The following CSMD1 variants were observed in gnomAD, a reference collection of about 807,000 sequenced individuals.
The protein encoded by CSMD1 is CUB and sushi domain-containing protein 1.
In CSMD1, 213 loss-of-function variants were observed where a neutral mutation model predicts 417.5. The ratio of observed to expected loss-of-function variants is 0.51; its 90% CI spans 0.46 to 0.57. CSMD1 has a LOEUF of 0.57. Ranked by LOEUF, CSMD1 falls within the 20% of genes least tolerant of loss-of-function variation. The pLI, the probability that CSMD1 is intolerant of heterozygous loss-of-function variation, is 0.00. For synonymous variants in CSMD1, 2,862 were observed against 1,736.8 expected (o/e 1.65, Z -16.11); for missense variants, 6,923 against 4,529.7 (o/e 1.53, Z -15.17).
chr8:3,298,705 C>T (rs1394184875), intron 25 of CSMD1, among the ~76,000 whole-genome samples: 3 of 152,338 alleles, frequency 2.0e-5, no homozygotes, highest in Admixed American at 1.3e-4. Context: ...CTGCCCGCCT[C>T]AGCCTCCCAA....
chr8:4,362,041 G>C (rs923703043), intron 3 of CSMD1, among the ~76,000 whole-genome samples: 2 of 151,996 alleles, frequency 1.3e-5, no homozygotes, highest in Non-Finnish European at 1.5e-5. Context: ...TTAGAGGTAG[G>C]ATACATAAGG....
At chr8:3,263,747 T>G (rs1160781068) in intron 26 of CSMD1, among the ~76,000 whole-genome samples, 1 of 152,216 alleles carries the variant, frequency 6.6e-6, no homozygotes, top group Non-Finnish European at 1.5e-5. Context: ...GATGGCATTG[T>G]AAAGTCAACT....
chr8:4,920,911 GAAAAGAAAAGA>G (rs1806415144), intron 1 of CSMD1, among the ~76,000 whole-genome samples: 1 of 27,086 alleles, frequency 3.7e-5, no homozygotes, highest in African/African-American at 1.3e-4. Context: ...GAAAAGAAAA[GAAAAGAAAAGA>G]AAAGAAAGAG....
At chr8:3,646,463 C>T (rs1797576810) in intron 7 of CSMD1, among the ~76,000 whole-genome samples, 1 of 152,142 alleles carries the variant, frequency 6.6e-6, no homozygotes, top group Non-Finnish European at 1.5e-5. Context: ...GAAAATCGCA[C>T]CTATTATAAT....
chr8:4,948,448 T>C (rs1808514476), intron 1 of CSMD1, among the ~76,000 whole-genome samples: 1 of 152,042 alleles, frequency 6.6e-6, no homozygotes, highest in South Asian at 2.1e-4. Context: ...TTCTTTCTAT[T>C]TCTTTCTTAT....
chr8:4,350,301 A>C (rs115049974), intron 3 of CSMD1, among the ~76,000 whole-genome samples: 1 of 152,160 alleles, frequency 6.6e-6, no homozygotes, highest in Non-Finnish European at 1.5e-5. Flanking sequence ...TGTGCTGTCT[A>C]CTTGAGGTCT....
At chr8:4,891,145 T>A (rs1174255737) in intron 1 of CSMD1, among the ~76,000 whole-genome samples, 2 of 152,162 alleles carry the variant, frequency 1.3e-5, no homozygotes, top group African/African-American at 2.4e-5. Context: ...CGGTATGAAC[T>A]CTGTGTTTTG....
At chr8:4,806,648 C>G (rs1798604053) in intron 1 of CSMD1, among the ~76,000 whole-genome samples, 1 of 152,140 alleles carries the variant, frequency 6.6e-6, no homozygotes, top group South Asian at 2.1e-4. Flanking sequence ...ATCCTGAAAC[C>G]ATACAAAGAA....
At chr8:4,729,859 T>C (rs1809730025) in intron 1 of CSMD1, among the ~76,000 whole-genome samples, 1 of 152,230 alleles carries the variant, frequency 6.6e-6, no homozygotes, top group Non-Finnish European at 1.5e-5. Context: ...TCCTAATCTT[T>C]CTTTTGAATT....
chr8:4,172,810 C>G (rs907633290), intron 3 of CSMD1, among the ~76,000 whole-genome samples: 2 of 152,124 alleles, frequency 1.3e-5, no homozygotes, highest in African/African-American at 2.4e-5. Flanking sequence ...CTTTAGGCAG[C>G]CCCTGGATAT....
intron 1 of CSMD1, among the ~76,000 whole-genome samples, chr8:4,710,412 A>G (rs1233698860): frequency 2.0e-5 from 3 of 148,040 alleles, no homozygotes; most frequent in African/African-American, 7.3e-5. Context: ...ATATAAATTT[A>G]TAAATATATT....
At chr8:4,148,706 A>G (rs1488694805) in intron 3 of CSMD1, among the ~76,000 whole-genome samples, 1 of 152,090 alleles carries the variant, frequency 6.6e-6, no homozygotes, top group African/African-American at 2.4e-5. Flanking sequence ...CTCAGCCCAC[A>G]GCGAGGGCTC....
intron 1 of CSMD1, among the ~76,000 whole-genome samples, chr8:4,680,621 C>T (rs561246747): frequency 6.6e-5 from 10 of 152,190 alleles, no homozygotes; most frequent in African/African-American, 2.2e-4. Flanking sequence ...TCCTCTGTTG[C>T]CAGGCTGGAG....
At chr8:3,100,008 G>A (rs760635170) in intron 46 of CSMD1, among the ~76,000 whole-genome samples, 9 of 151,932 alleles carry the variant, frequency 5.9e-5, no homozygotes, top group Non-Finnish European at 1.2e-4. Flanking sequence ...CAAAATTCAT[G>A]TGGGGTTTTT....
At chr8:3,059,286 G>A (rs1230408800) in intron 49 of CSMD1, among the ~76,000 whole-genome samples, 1 of 149,242 alleles carries the variant, frequency 6.7e-6, no homozygotes, top group African/African-American at 2.5e-5. Flanking sequence ...AAAAAACCAG[G>A]ATAAACGTTT....
chr8:3,694,926 C>T (rs1048209298), intron 7 of CSMD1, among the ~76,000 whole-genome samples: 1 of 151,908 alleles, frequency 6.6e-6, no homozygotes, highest in East Asian at 1.9e-4. Flanking sequence ...ATTAGCACCA[C>T]GTGTAGCTTG....
At chr8:4,584,133 A>C (rs1351570262) in intron 2 of CSMD1, among the ~76,000 whole-genome samples, 4 of 152,118 alleles carry the variant, frequency 2.6e-5, no homozygotes, top group African/African-American at 9.7e-5. Context: ...GAACGTCAGA[A>C]GGAACAAACT....
chr8:3,777,413 C>A (rs751060037), intron 5 of CSMD1, among the ~76,000 whole-genome samples: 1 of 152,134 alleles, frequency 6.6e-6, no homozygotes, highest in South Asian at 2.1e-4. Flanking sequence ...GCTCTTGCAC[C>A]TGGGGCATCC....
chr8:4,831,576 A>T (rs1394907647), intron 1 of CSMD1, among the ~76,000 whole-genome samples: 1 of 151,998 alleles, frequency 6.6e-6, no homozygotes, highest in Admixed American at 6.6e-5. Flanking sequence ...CTCTTACAAA[A>T]TGTCATGCCA....
Sources: gnomAD v4.1 joint callset for allele counts (sites outside exome capture counted in the v4.1 genomes callset) on GRCh38, gnomAD v4.1.1 for gene constraint, MANE v1.5 for transcripts, NCBI Gene and HGNC (gene_info 2026-07-23, HGNC 2026-07-21) for gene names.